Variants in ZFYVE9 observed in about 807,000 individuals in gnomAD.
ZFYVE9 encodes zinc finger FYVE-type containing 9, also known as zinc finger FYVE domain-containing protein 9.
Under a neutral mutation model 126.7 loss-of-function variants are expected in ZFYVE9, and 43 were observed. The ratio of observed to expected loss-of-function variants is 0.34; its 90% CI spans 0.27 to 0.44. ZFYVE9 has a LOEUF of 0.44. ZFYVE9 is among the 20% of genes least tolerant of loss of function. The pLI, the probability that ZFYVE9 is intolerant of heterozygous loss-of-function variation, is 1.00. For missense variants in ZFYVE9, 1,476 were observed against 1,697.0 expected, an observed-to-expected ratio of 0.87 and a Z score of 2.29; for synonymous variants, 521 against 597.4, an observed-to-expected ratio of 0.87 and a Z score of 1.87.
At chr1:52,252,338 G>A (rs545426974) in intron 4 of ZFYVE9, 2 of 155,704 alleles carry the variant, frequency 1.3e-5, no homozygotes, top group Admixed American at 1.3e-4. Context: ...TGTTTGTTTT[G>A]GGGTTTTTTT....
At position 52,238,952 on chromosome 1, in the gene ZFYVE9, A is replaced by C; in HGVS notation, c.1535A>C (p.Lys512Thr). The C allele has an allele frequency of 1.2e-6, 2 of 1,614,140 alleles. No homozygotes were observed. The highest frequency in any genetic ancestry group is 1.7e-6 in the Non-Finnish European group (2 of 1,180,008). The change falls in exon 4 of 19, where the codon AAG becomes ACG. Residue 512 changes from lysine to threonine, a missense_variant. By Grantham distance (78) the Lys-to-Thr change is moderately conservative (BLOSUM62 -1). This residue lies in a region of ZFYVE9 where 807 missense variants were observed against 794.6 expected (regional missense o/e 1.02). Coordinates refer to ENST00000287727, the MANE Select transcript of ZFYVE9 (RefSeq NM_004799.4). ...VTEEKEIEES[K>T]SECYSNIYEQ... ...GAAGAAAAAGAAATAGAGGAAAGCA[A>C]GTCAGAATGCTACTCAAATATTTAT...
intron 4 of ZFYVE9, among the ~76,000 whole-genome samples, chr1:52,246,539 T>G (rs1156716936): frequency 2.6e-5 from 4 of 151,262 alleles, no homozygotes; most frequent in Non-Finnish European, 5.9e-5. Context: ...TCCTGGGTTT[T>G]TTTTTTTTTT....
intron 12 of ZFYVE9, among the ~76,000 whole-genome samples, chr1:52,299,343 A>G (rs550140509): frequency 6.6e-6 from 1 of 152,288 alleles, no homozygotes; most frequent in South Asian, 2.1e-4. Context: ...TTCTATGTAT[A>G]GGGTCATGTC....
At chr1:52,168,079 G>A (rs1288798624) in intron 1 of ZFYVE9, among the ~76,000 whole-genome samples, 2 of 152,064 alleles carry the variant, frequency 1.3e-5, no homozygotes, top group Non-Finnish European at 2.9e-5. Context: ...GGAGTTAGGA[G>A]GGACTGCTTT....
intron 1 of ZFYVE9, among the ~76,000 whole-genome samples, chr1:52,192,259 T>G (rs897900629): frequency 6.6e-6 from 1 of 152,182 alleles, no homozygotes; most frequent in Non-Finnish European, 1.5e-5. Context: ...AAAAGCACTT[T>G]TAGGCATTGT....
chr1:52,276,006 C>T (rs1249877940), intron 8 of ZFYVE9, among the ~76,000 whole-genome samples: 3 of 148,580 alleles, frequency 2.0e-5, no homozygotes, highest in Non-Finnish European at 3.0e-5. Context: ...CTCCCGGGTT[C>T]AAGCAGTTCT....
rs529602111 is a variant in ZFYVE9 at position 52,246,688 on chromosome 1, C to A, written c.2178+7093C>A. Reference sequence around the variant, plus strand: ...CTGGGGCTACGAGCATGTGCCACCACGTGTAACTAATTTTTTTTTTTTTTT... The same window carrying A: ...CTGGGGCTACGAGCATGTGCCACCAAGTGTAACTAATTTTTTTTTTTTTTT... On this transcript the variant is annotated intron_variant, in intron 4 of 18. Transcript: ENST00000287727. Among the ~76,000 whole-genome samples, 54 of 145,468 alleles carry A rather than the reference C, an allele frequency of 3.7e-4. 1 individual carries two copies. In the South Asian group the frequency reaches 0.011, roughly 30 times the overall value.
chr1:52,174,788 T>C (rs1241426194), intron 1 of ZFYVE9, among the ~76,000 whole-genome samples: 1 of 152,156 alleles, frequency 6.6e-6, no homozygotes, highest in African/African-American at 2.4e-5. Context: ...TGATCTTTGT[T>C]GGTTTAAAGT....
intron 2 of ZFYVE9, among the ~76,000 whole-genome samples, chr1:52,225,336 A>C (rs1321763112): frequency 6.6e-6 from 1 of 152,140 alleles, no homozygotes; most frequent in Non-Finnish European, 1.5e-5. Flanking sequence ...AGCCCCTCCC[A>C]AAGGAGAATG....
chr1:52,162,599 A>G (rs1464152429), intron 1 of ZFYVE9: 1 of 259,128 alleles, frequency 3.9e-6, no homozygotes, highest in Non-Finnish European at 8.1e-6. Context: ...TCAAAGGTCC[A>G]TATCAAGAAC....
intron 1 of ZFYVE9, among the ~76,000 whole-genome samples, chr1:52,209,261 T>C (rs575301515): frequency 2.6e-5 from 4 of 152,180 alleles, no homozygotes; most frequent in African/African-American, 7.2e-5. Flanking sequence ...AAGAGTCAAC[T>C]GACAATGGCA....
At chr1:52,343,582 C>T (rs1437669516) in intron 17 of ZFYVE9, among the ~76,000 whole-genome samples, 1 of 151,228 alleles carries the variant, frequency 6.6e-6, no homozygotes, top group East Asian at 1.9e-4. Flanking sequence ...ATGGTGAAAC[C>T]CCGTCTCTAC....
At chr1:52,320,484 T>G (rs567705258) in intron 13 of ZFYVE9, among the ~76,000 whole-genome samples, 12 of 152,330 alleles carry the variant, frequency 7.9e-5, no homozygotes, top group Admixed American at 2.0e-4. Context: ...TTACAGATGC[T>G]CAATAGCTTT....
intron 4 of ZFYVE9, among the ~76,000 whole-genome samples, chr1:52,246,648 C>T (rs1198517197): frequency 6.7e-6 from 1 of 149,832 alleles, no homozygotes; most frequent in Non-Finnish European, 1.5e-5. Flanking sequence ...CCTCCCACCT[C>T]AGCCTCCTGG....
intron 13 of ZFYVE9, among the ~76,000 whole-genome samples, chr1:52,307,760 T>G (rs1398238524): frequency 6.6e-6 from 1 of 151,564 alleles, no homozygotes; most frequent in Non-Finnish European, 1.5e-5. Context: ...TTCTTTTTTT[T>G]TTTTTTTCTG....
At chr1:52,237,432 CAT>C in intron 3 of ZFYVE9, 54 bp from the exon 4 acceptor site, 1 of 1,415,894 alleles carries the variant, frequency 7.1e-7, no homozygotes, top group Non-Finnish European at 9.6e-7. Flanking sequence ...TTAACTTAGT[CAT>C]AAGCTTTTCC....
chr1:52,270,467 T>A (rs1001080258), intron 7 of ZFYVE9, among the ~76,000 whole-genome samples: 2 of 152,138 alleles, frequency 1.3e-5, no homozygotes, highest in African/African-American at 4.8e-5. Context: ...GGTTTCACGA[T>A]GTTAGCCAGG....
At chr1:52,158,804 TA>T (rs1298345482) in intron 1 of ZFYVE9, among the ~76,000 whole-genome samples, 1 of 147,692 alleles carries the variant, frequency 6.8e-6, no homozygotes, top group Non-Finnish European at 1.5e-5. Flanking sequence ...ATTGTTCTTG[TA>T]TTTTTTTTTT....
intron 1 of ZFYVE9, among the ~76,000 whole-genome samples, chr1:52,172,360 ATC>A (rs1484070371): frequency 1.3e-5 from 2 of 152,114 alleles, no homozygotes; most frequent in Non-Finnish European, 2.9e-5. Flanking sequence ...ATTGATCTAT[ATC>A]TCTATTTTGG....
Sources: gnomAD v4.1 joint callset for allele counts (sites outside exome capture counted in the v4.1 genomes callset) on GRCh38, gnomAD v4.1.1 for gene constraint, gnomAD v4.1.1 regional missense constraint, MANE v1.5 for transcripts, NCBI Gene and HGNC (gene_info 2026-07-23, HGNC 2026-07-21) for gene names.